STXBP5L: variants seen among roughly 807,000 people sequenced by gnomAD.
STXBP5L encodes the protein syntaxin-binding protein 5-like.
STXBP5L carries 65 observed loss-of-function variants against 144.5 expected under a neutral mutation model. That is an observed-to-expected ratio of 0.45 (90% confidence interval 0.37 to 0.55). STXBP5L has a LOEUF of 0.55. Ranked by LOEUF, STXBP5L falls within the 20% of genes least tolerant of loss-of-function variation. The probability of loss-of-function intolerance (pLI) is 0.00; values close to 1 mark genes in which losing one functional copy is unlikely to be tolerated. For synonymous variants in STXBP5L, 505 were observed against 469.6 expected (o/e 1.08, Z -0.97); for missense variants, 1,298 against 1,405.5 (o/e 0.92, Z 1.22).
intron 3 of STXBP5L, among the ~76,000 whole-genome samples, chr3:121,021,071 A>T (rs185984964): frequency 6.6e-6 from 1 of 152,240 alleles, no homozygotes; most frequent in East Asian, 1.9e-4. Flanking sequence ...AAAGGGGTGG[A>T]AAAACATAGT....
intron 19 of STXBP5L, among the ~76,000 whole-genome samples, chr3:121,303,271 GA>G (rs1324925786): frequency 6.6e-6 from 1 of 151,992 alleles, no homozygotes; most frequent in Non-Finnish European, 1.5e-5. Context: ...AAAGACACAT[GA>G]AAAAATGCTC....
chr3:121,331,818 C>G (rs2044328983), intron 20 of STXBP5L, among the ~76,000 whole-genome samples: 1 of 152,066 alleles, frequency 6.6e-6, no homozygotes, highest in African/African-American at 2.4e-5. Context: ...AAAAAAATAA[C>G]TAAATAAAAA....
chr3:121,207,982 G>T (rs2048403739), intron 10 of STXBP5L, among the ~76,000 whole-genome samples: 1 of 151,964 alleles, frequency 6.6e-6, no homozygotes, highest in East Asian at 1.9e-4. Flanking sequence ...CCCCTTACTG[G>T]GTATATACCC....
chr3:120,925,747 T>G lies in STXBP5L; in HGVS notation c.189+15980T>G, dbSNP rs11916268. On this transcript the variant is annotated intron_variant, in intron 2 of 26. Coordinates refer to ENST00000471454, the MANE Select transcript of STXBP5L (RefSeq NM_001308330.2). ...CTTCCTTTCTTACTGTCTTCCTTTG[T>G]GGTTAAGTGATTTTCTCTAGTAATA... 8.2e-3 allele frequency among the ~76,000 whole-genome samples: 1,256 copies of G among 152,332 alleles called. 22 individuals carry two copies. Among genetic ancestry groups the G allele is most frequent in the African/African-American group, 0.028 (1,175 of 41,578 alleles).
At chr3:121,404,381 C>G (rs184229774) in intron 22 of STXBP5L, among the ~76,000 whole-genome samples, 7 of 152,254 alleles carry the variant, frequency 4.6e-5, no homozygotes, top group Non-Finnish European at 7.4e-5. Context: ...TTCACGCACA[C>G]TAATACACTA....
At chr3:121,401,883 T>A in intron 22 of STXBP5L, among the ~76,000 whole-genome samples, 1 of 77,780 alleles carries the variant, frequency 1.3e-5, no homozygotes. Context: ...ACCCTAAAAC[T>A]TAGAGTATAA....
intron 3 of STXBP5L, among the ~76,000 whole-genome samples, chr3:121,013,893 A>T (rs1944956821): frequency 6.6e-6 from 1 of 151,914 alleles, no homozygotes; most frequent in Non-Finnish European, 1.5e-5. Flanking sequence ...TTGAATTAGG[A>T]TATCCTTTCC....
chr3:121,189,837 C>T (rs546959877), intron 9 of STXBP5L, among the ~76,000 whole-genome samples: 1 of 151,776 alleles, frequency 6.6e-6, no homozygotes, highest in African/African-American at 2.4e-5. Context: ...ATAAAATGAC[C>T]AACTTAAAAT....
intron 3 of STXBP5L, among the ~76,000 whole-genome samples, chr3:120,999,692 T>G (rs1943620288): frequency 6.6e-6 from 1 of 152,162 alleles, no homozygotes; most frequent in Non-Finnish European, 1.5e-5. Context: ...TACTTACATA[T>G]GTTTTTGTGA....
intron 9 of STXBP5L, among the ~76,000 whole-genome samples, chr3:121,167,799 A>G (rs929577436): frequency 1.3e-5 from 2 of 152,324 alleles, no homozygotes; most frequent in Admixed American, 6.5e-5. Context: ...TGAAGAAAGC[A>G]GTGGATCTCC....
chr3:121,209,321 G>T (rs952828992), intron 10 of STXBP5L, among the ~76,000 whole-genome samples: 3 of 152,084 alleles, frequency 2.0e-5, no homozygotes, highest in Non-Finnish European at 4.4e-5. Context: ...GGTATTTCTG[G>T]TTCTAGATCC....
rs559591291 is a variant in STXBP5L at position 120,993,453 on chromosome 3, A to G, written c.287+38416A>G. Reference sequence around the variant, plus strand: ...TTTTCAGTTCCAGGTCTTATGTTTAAGGCTTTAAGCATTTGGAGTTGAGTT... The same window carrying G: ...TTTTCAGTTCCAGGTCTTATGTTTAGGGCTTTAAGCATTTGGAGTTGAGTT... On this transcript the variant is annotated intron_variant, in intron 3 of 26. Transcript: ENST00000471454. Among the ~76,000 whole-genome samples, 21 of 152,150 alleles carry G rather than the reference A, an allele frequency of 1.4e-4. No individual in the cohort carries two copies. The East Asian group carries it at 4.1e-3, about 29-fold the overall frequency.
rs561021511 is a variant in STXBP5L, at chr3:120,960,858, A to T, written c.287+5821A>T. The stretch of plus-strand genomic sequence containing the variant: ...ACACCAGCATGGCACATGTATACAT[A>T]TGTAACAAACCTGCACGTTGTGCAC... On this transcript the variant is annotated intron_variant, in intron 3 of 26. Coordinates refer to ENST00000471454, the MANE Select transcript of STXBP5L (RefSeq NM_001308330.2). 2.3e-3 allele frequency among the ~76,000 whole-genome samples: 344 copies of T among 149,286 alleles called. 2 individuals carry two copies. The highest frequency in any genetic ancestry group is 4.0e-3 in the Non-Finnish European group (265 of 66,652).
At chr3:121,128,142 A>T (rs1056132682) in intron 7 of STXBP5L, among the ~76,000 whole-genome samples, 1 of 152,106 alleles carries the variant, frequency 6.6e-6, no homozygotes, top group African/African-American at 2.4e-5. Context: ...AGTGGTTTTT[A>T]AGGACTTGAA....
chr3:120,923,476 A>G (rs182933475), intron 2 of STXBP5L, among the ~76,000 whole-genome samples: 52 of 152,068 alleles, frequency 3.4e-4, no homozygotes, highest in Admixed American at 2.9e-3. Context: ...GTTTAATGCT[A>G]TCAACTTCTC....
intron 20 of STXBP5L, chr3:121,357,822 G>A (rs1240479368): frequency 6.6e-6 from 1 of 152,100 alleles, no homozygotes; most frequent in African/African-American, 2.4e-5. Flanking sequence ...TGTCAGCCAT[G>A]GAACACTTCC....
In STXBP5L at chr3:121,223,031, C is replaced by T. The variant is rs756271385; in HGVS notation, c.985C>T (p.Leu329=). 8 of 1,609,478 alleles carry T rather than the reference C, an allele frequency of 5.0e-6. No homozygotes were observed. The South Asian group carries it at 7.8e-5, about 16-fold the overall frequency. ...ACCATTCATAATATTCTCTGGTGGGCTGTCCTATGACAAAGCTTGTAGAAG... is the reference window on the plus strand; with the variant it reads ...ACCATTCATAATATTCTCTGGTGGGTTGTCCTATGACAAAGCTTGTAGAAG... ...SEPFIIFSGG[L]SYDKACRRPS... The change falls in exon 11 of 27, where the codon CTG becomes TTG. Residue 329 remains leucine (L), a synonymous_variant. Transcript: ENST00000471454.
intron 12 of STXBP5L, among the ~76,000 whole-genome samples, chr3:121,236,775 G>A (rs914236851): frequency 5.3e-5 from 8 of 152,164 alleles, no homozygotes; most frequent in South Asian, 4.2e-4. Flanking sequence ...TTCAAAGTCC[G>A]AAGTCTCATC....
At chr3:121,388,064 C>A (rs1472860758) in intron 22 of STXBP5L, among the ~76,000 whole-genome samples, 1 of 152,054 alleles carries the variant, frequency 6.6e-6, no homozygotes, top group East Asian at 1.9e-4. Flanking sequence ...TGTTTGTGTC[C>A]TCTTTTATTT....
Sources: allele counts gnomAD v4.1 joint callset (sites outside exome capture counted in the v4.1 genomes callset), GRCh38; gene constraint gnomAD v4.1.1; transcripts MANE v1.5; gene names NCBI Gene and HGNC (gene_info 2026-07-23, HGNC 2026-07-21).